The following SLC5A7 variants were observed in gnomAD, a reference collection of about 807,000 sequenced individuals.
SLC5A7 encodes solute carrier family 5 member 7.
A neutral mutation model predicts 55.4 loss-of-function variants in SLC5A7; 19 were observed. That is an observed-to-expected ratio of 0.34 (90% CI 0.24 to 0.50). The LOEUF is 0.50. Among genes scored for constraint, SLC5A7 ranks in the 20% least tolerant of loss-of-function variants. The pLI, the probability that SLC5A7 is intolerant of heterozygous loss-of-function variation, is 0.98. For synonymous variants in SLC5A7, 265 were observed against 263.7 expected (o/e 1.00, Z -0.05); for missense variants, 506 against 705.3 (o/e 0.72, Z 3.20).
intron 5 of SLC5A7, among the ~76,000 whole-genome samples, chr2:107,999,222 G>C (rs1196406439): frequency 2.0e-5 from 3 of 152,176 alleles, no homozygotes; most frequent in African/African-American, 7.2e-5. Context: ...TAAGTGGACC[G>C]TGCTGAAATT....
chr2:107,992,920 C>T, intron 3 of SLC5A7, 52 bp from the exon 4 acceptor site: 1 of 1,580,416 alleles, frequency 6.3e-7, no homozygotes, highest in Non-Finnish European at 8.6e-7. Context: ...TAGTAAAAGA[C>T]TATTATATTA....
intron 8 of SLC5A7, among the ~76,000 whole-genome samples, chr2:108,010,010 A>G (rs1678257051): frequency 6.6e-6 from 1 of 152,170 alleles, no homozygotes; most frequent in Non-Finnish European, 1.5e-5. Flanking sequence ...CCTGTGTGTC[A>G]TGCATCTGGT....
intron 7 of SLC5A7, among the ~76,000 whole-genome samples, chr2:108,007,485 T>C (rs1363079486): frequency 2.7e-5 from 4 of 147,102 alleles, no homozygotes; most frequent in Non-Finnish European, 6.0e-5. Context: ...TGTGTCTGTG[T>C]GTGTGTGTGT....
chr2:107,991,401 T>C (rs1185411762), intron 2 of SLC5A7, among the ~76,000 whole-genome samples: 2 of 152,218 alleles, frequency 1.3e-5, no homozygotes, highest in Admixed American at 6.5e-5. Context: ...TAAGGTAACA[T>C]TTAAACTCAC....
rs1433368595 is a variant in SLC5A7 at position 108,013,734 on chromosome 2, T to A, written c.*2873T>A. On this transcript the variant is annotated 3_prime_UTR_variant, in exon 9 of 9. Coordinates refer to ENST00000264047, the MANE Select transcript of SLC5A7 (RefSeq NM_021815.5). ...ATATTTTATTTTCATACTTTTGATA[T>A]GATTGTAACATATTTCTTGAGTAAT... is the stretch of plus-strand genomic sequence containing the variant. The A allele has an allele frequency of 6.6e-6, 1 of 152,184 alleles. No individual in the cohort carries two copies. The highest frequency in any genetic ancestry group is 2.4e-5 in the African/African-American group (1 of 41,458). The allele number at this position is 152,184 out of a possible 1,614,324, so 9.4% of individuals were successfully genotyped here.
chr2:108,001,321 C>A (rs1677885625), intron 5 of SLC5A7, among the ~76,000 whole-genome samples: 1 of 151,942 alleles, frequency 6.6e-6, no homozygotes, highest in African/African-American at 2.4e-5. Context: ...TATTTTCTTC[C>A]TAGAGGTTTT....
At chr2:107,989,194 T>C (rs542435578) in intron 2 of SLC5A7, among the ~76,000 whole-genome samples, 1 of 152,382 alleles carries the variant, frequency 6.6e-6, no homozygotes, top group South Asian at 2.1e-4. Context: ...TAACAACACA[T>C]ATTTCATTAT....
rs548767321 is a variant in SLC5A7, at chr2:107,993,725, A to T, written c.448+598A>T. On this transcript the variant is annotated intron_variant, in intron 4 of 8. Transcript: ENST00000264047. ...TTATTCTAAAAGCACTGATATTTTC[A>T]GAGATGTTGACTTTTTAAATAAAAT... 3.3e-5 allele frequency among the ~76,000 whole-genome samples: 5 copies of T among 152,352 alleles called. No homozygotes were observed. The East Asian group carries it at 9.6e-4, about 29-fold the overall frequency.
intron 5 of SLC5A7, among the ~76,000 whole-genome samples, chr2:107,999,287 A>G (rs1443480900): frequency 6.6e-6 from 1 of 152,234 alleles, no homozygotes; most frequent in Non-Finnish European, 1.5e-5. Context: ...GGGAACATAG[A>G]AATAAATCCC....
At chr2:108,009,237 A>G (rs1470884255) in intron 8 of SLC5A7, among the ~76,000 whole-genome samples, 1 of 152,102 alleles carries the variant, frequency 6.6e-6, no homozygotes, top group Non-Finnish European at 1.5e-5. Context: ...AGTTAACAAA[A>G]CAATCCCAGT....
intron 2 of SLC5A7, among the ~76,000 whole-genome samples, chr2:107,990,031 A>G (rs17269265): frequency 0.18 from 26,787 of 152,090 alleles, 2,969 homozygotes; most frequent in Middle Eastern, 0.33. Context: ...ATCATAATTC[A>G]TTTAAAATCT....
Position 108,002,184 on chromosome 2 carries a change from G to T in SLC5A7, c.741+144G>T, listed in dbSNP as rs935042807. 3 of 986,526 alleles carry T rather than the reference G, an allele frequency of 3.0e-6. No homozygotes were observed. The Admixed American group carries it at 7.9e-5, about 26-fold the overall frequency. 61.1% of individuals were successfully genotyped at this position (986,526 alleles called of 1,614,324 possible). A position where few individuals can be genotyped will look rare whatever the true frequency, so the allele number is the denominator to read the frequency against. On this transcript the variant is annotated intron_variant, in intron 6 of 8. Coordinates refer to ENST00000264047, the MANE Select transcript of SLC5A7 (RefSeq NM_021815.5). Reference sequence around the variant, plus strand: ...TTGAGGACTCTCTATCGGGAGGGTGGAGCCAGGGCCGGACTATCGTGGCTG... The same window carrying T: ...TTGAGGACTCTCTATCGGGAGGGTGTAGCCAGGGCCGGACTATCGTGGCTG...
In SLC5A7 at chr2:107,997,987, G is replaced by T; in HGVS notation, c.597+1G>T. 1 of 1,609,384 alleles carries T rather than the reference G, an allele frequency of 6.2e-7. No homozygotes were observed. The highest frequency in any genetic ancestry group is 1.1e-5 in the South Asian group (1 of 89,856). On this transcript the variant is annotated splice_donor_variant, in intron 5 of 8. Transcript: ENST00000264047. LOFTEE classifies it high-confidence loss of function. The stretch of plus-strand genomic sequence containing the variant: ...GCTCTTTTGCATTTTTGTAGGGCTG[G>T]TAAGTGGGAGCACCCAAGATTCTCC...
chr2:108,005,984 T>A, intron 6 of SLC5A7, 65 bp from the exon 7 acceptor site: 1 of 1,590,350 alleles, frequency 6.3e-7, no homozygotes, highest in Non-Finnish European at 8.6e-7. Flanking sequence ...TAAATGTGAT[T>A]GCAATAAAAC....
chr2:107,993,835 C>T (rs1051719588), intron 4 of SLC5A7, among the ~76,000 whole-genome samples: 1 of 152,192 alleles, frequency 6.6e-6, no homozygotes, highest in Non-Finnish European at 1.5e-5. Context: ...CAACCCTCTG[C>T]TGACAGAATA....
intron 5 of SLC5A7, among the ~76,000 whole-genome samples, chr2:108,001,286 AGATT>A (rs1383718857): frequency 1.3e-5 from 2 of 152,150 alleles, no homozygotes; most frequent in African/African-American, 2.4e-5. Context: ...ATACATAGAT[AGATT>A]GACAGATATT....
intron 2 of SLC5A7, among the ~76,000 whole-genome samples, chr2:107,990,937 A>C (rs1677430157): frequency 6.6e-6 from 1 of 152,178 alleles, no homozygotes; most frequent in South Asian, 2.1e-4. Flanking sequence ...TATCTGATAA[A>C]TTTTTATTAC....
intron 2 of SLC5A7, among the ~76,000 whole-genome samples, chr2:107,989,657 G>T (rs1677374668): frequency 6.6e-6 from 1 of 152,136 alleles, no homozygotes; most frequent in Non-Finnish European, 1.5e-5. Context: ...GCGTCATGCT[G>T]GTGACCGCCC....
rs547200287 is a variant in SLC5A7, at chr2:107,991,659, A to G, written c.179-447A>G. Among the ~76,000 whole-genome samples, 5 of 152,232 alleles carry G rather than the reference A, an allele frequency of 3.3e-5. No homozygotes were observed. The South Asian group carries it at 1.0e-3, about 32-fold the overall frequency. ...TCCGTGAGGACAGTATAAAAACATC[A>G]ATACAAGTAAAATGGAAGGGCCTTG... On this transcript the variant is annotated intron_variant, in intron 2 of 8. Coordinates refer to ENST00000264047, the MANE Select transcript of SLC5A7 (RefSeq NM_021815.5).
Sources: gnomAD v4.1 joint callset for allele counts (sites outside exome capture counted in the v4.1 genomes callset) on GRCh38, gnomAD v4.1.1 for gene constraint, MANE v1.5 for transcripts, NCBI Gene and HGNC (gene_info 2026-07-23, HGNC 2026-07-21) for gene names.